ZNF638: variants seen among roughly 807,000 people sequenced by gnomAD.
ZNF638 encodes CTCL tumor antigen se33-1.
Under a neutral mutation model 195.6 loss-of-function variants are expected in ZNF638, and 46 were observed. The observed-to-expected ratio is 0.24, with a 90% confidence interval of 0.19 to 0.30. The LOEUF is 0.30. Among genes scored for constraint, ZNF638 ranks in the 10% least tolerant of loss-of-function variants. The pLI is 1.00. For synonymous variants in ZNF638, 845 were observed against 772.0 expected (o/e 1.09, Z -1.57); for missense variants, 2,440 against 2,325.3 (o/e 1.05, Z -1.01).
chr2:71,422,696 G>A (rs1471710960), intron 21 of ZNF638, 118 bp from the exon 22 acceptor site: 6 of 1,047,134 alleles, frequency 5.7e-6, no homozygotes, highest in Admixed American at 5.7e-5. Context: ...GAATGCATCA[G>A]GAAGTCTTAA....
At chr2:71,421,257 C>T (rs2080425861) in intron 21 of ZNF638, among the ~76,000 whole-genome samples, 1 of 151,966 alleles carries the variant, frequency 6.6e-6, no homozygotes, top group Non-Finnish European at 1.5e-5. Flanking sequence ...GTGAATGTCA[C>T]TGCTCTTTTC....
At chr2:71,407,549 C>G (rs962054280) in intron 19 of ZNF638, 3 of 151,926 alleles carry the variant, frequency 2.0e-5, no homozygotes, top group Non-Finnish European at 4.4e-5. Context: ...CAAATTTTAC[C>G]GTTTGTAAGA....
At chr2:71,368,717 C>A (rs984634501) in intron 7 of ZNF638, among the ~76,000 whole-genome samples, 189 bp downstream of exon 7, 3 of 152,086 alleles carry the variant, frequency 2.0e-5, no homozygotes, top group Non-Finnish European at 4.4e-5. Context: ...AAGTGTTTGC[C>A]CACTTTTTCT....
At chr2:71,399,180 A>ATTTCTTTATATAATTC (rs1348040706) in intron 12 of ZNF638, among the ~76,000 whole-genome samples, 1 of 152,184 alleles carries the variant, frequency 6.6e-6, no homozygotes, top group Non-Finnish European at 1.5e-5. Flanking sequence ...AAGAAATGGA[A>ATTTCTTTATATAATTC]CACTATTTAA....
chr2:71,354,343 C>CTT (rs11372261), intron 2 of ZNF638, among the ~76,000 whole-genome samples: 1,552 of 143,608 alleles, frequency 0.011, 19 homozygotes, highest in African/African-American at 0.022. Context: ...ACTGTATTGG[C>CTT]TTTTTTTTTT....
chr2:71,433,042 G>A (rs574456820), intron 26 of ZNF638, 123 bp from the exon 27 acceptor site: 14 of 758,906 alleles, frequency 1.8e-5, no homozygotes, highest in East Asian at 9.9e-5. Flanking sequence ...AGCTGACATC[G>A]CGCCACTGCC....
intron 10 of ZNF638, 124 bp from the exon 11 acceptor site, chr2:71,396,017 C>A (rs911691699): frequency 3.1e-5 from 25 of 801,998 alleles, no homozygotes; most frequent in Non-Finnish European, 4.3e-5. Flanking sequence ...CATGGACATA[C>A]AAAGATGAGT....
At chr2:71,432,257 G>T (rs1390009488) in intron 26 of ZNF638, among the ~76,000 whole-genome samples, 1 of 152,184 alleles carries the variant, frequency 6.6e-6, no homozygotes, top group Non-Finnish European at 1.5e-5. Context: ...CTGGAGTGCA[G>T]TGATGTGATC....
chr2:71,346,606 C>T (rs2160779), intron 1 of ZNF638, among the ~76,000 whole-genome samples: 150,185 of 152,320 alleles, frequency 0.99, 74,046 homozygotes, highest in East Asian at 1. Flanking sequence ...GTTTATATGC[C>T]TGGGGGATAA....
At position 71,370,015 on chromosome 2, in the gene ZNF638, A is replaced by T; in HGVS notation, c.2265+10A>T. 1 of 1,584,248 alleles carries T rather than the reference A, an allele frequency of 6.3e-7. No homozygotes were observed. The highest frequency in any genetic ancestry group is 8.5e-7 in the Non-Finnish European group (1 of 1,172,036). The stretch of plus-strand genomic sequence containing the variant: ...AAAGAAAAAAGCACAGGTAATCTGG[A>T]TTTAGGTCTTAAATGTTTTATCACT... On this transcript the variant is annotated intron_variant, in intron 8 of 27. Transcript: ENST00000264447.
intron 8 of ZNF638, among the ~76,000 whole-genome samples, chr2:71,378,483 TAAC>T (rs2079476778): frequency 6.6e-6 from 1 of 152,198 alleles, no homozygotes; most frequent in Non-Finnish European, 1.5e-5. Flanking sequence ...TCAGATCAAT[TAAC>T]AAATACTTGC....
At chr2:71,362,323 A>G (rs1019467690) in intron 3 of ZNF638, among the ~76,000 whole-genome samples, 8 of 152,158 alleles carry the variant, frequency 5.3e-5, no homozygotes, top group African/African-American at 1.7e-4. Flanking sequence ...CGGCTTCTAC[A>G]TGCCTGATTT....
At chr2:71,363,834 C>A in intron 4 of ZNF638, 120 bp from the exon 5 acceptor site, 2 of 1,264,444 alleles carry the variant, frequency 1.6e-6, no homozygotes, top group Middle Eastern at 2.2e-4. Context: ...AAGTACATAT[C>A]TTTTATGAGA....
At chr2:71,334,857 G>C (rs2078636512) in intron 1 of ZNF638, among the ~76,000 whole-genome samples, 2 of 151,650 alleles carry the variant, frequency 1.3e-5, no homozygotes, top group African/African-American at 4.8e-5. Context: ...GGAGGTGGAG[G>C]TTGCAGTGAG....
At chr2:71,357,694 C>T (rs1322100955) in intron 3 of ZNF638, among the ~76,000 whole-genome samples, 1 of 151,916 alleles carries the variant, frequency 6.6e-6, no homozygotes, top group Admixed American at 6.5e-5. Flanking sequence ...ACATGTAGGA[C>T]CCTGATTTAA....
intron 27 of ZNF638, chr2:71,433,685 AC>A (rs1258376574): frequency 1.9e-5 from 3 of 156,396 alleles, no homozygotes; most frequent in African/African-American, 7.2e-5. Flanking sequence ...TAAATTGTAC[AC>A]ATCTTTAAGA....
chr2:71,335,492 T>A (rs1048871311), intron 1 of ZNF638, among the ~76,000 whole-genome samples: 1 of 152,234 alleles, frequency 6.6e-6, no homozygotes, highest in African/African-American at 2.4e-5. Context: ...ACTTGCCTAT[T>A]GTCTCTGCTG....
At chr2:71,333,956 C>T (rs994828755) in intron 1 of ZNF638, among the ~76,000 whole-genome samples, 2 of 152,188 alleles carry the variant, frequency 1.3e-5, no homozygotes, top group Non-Finnish European at 2.9e-5. Flanking sequence ...TGGGTATTCT[C>T]TTCTAATTAA....
intron 1 of ZNF638, among the ~76,000 whole-genome samples, chr2:71,336,372 C>CAAAAAAAAAA: frequency 9.5e-6 from 1 of 105,540 alleles, no homozygotes; most frequent in Non-Finnish European, 1.9e-5. Flanking sequence ...ATTCCATCTC[C>CAAAAAAAAAA]AAAAAAAAAA....
Sources: allele counts gnomAD v4.1 joint callset (sites outside exome capture counted in the v4.1 genomes callset), GRCh38; gene constraint gnomAD v4.1.1; transcripts MANE v1.5; gene names NCBI Gene and HGNC (gene_info 2026-07-23, HGNC 2026-07-21).